The following C10orf67 variants were observed in gnomAD, a reference collection of about 807,000 sequenced individuals.
The protein encoded by C10orf67 is chromosome 10 open reading frame 67.
C10orf67 carries 60 observed loss-of-function variants against 35.6 expected under a neutral mutation model. The ratio of observed to expected loss-of-function variants is 1.68; its 90% CI spans 1.37 to 2.09. The LOEUF (loss-of-function observed/expected upper bound fraction) is 2.09, where lower values mean the gene tolerates loss of function less well. C10orf67 is among the 30% of genes most tolerant of loss of function. The pLI is 0.00. For missense variants in C10orf67, 474 were observed against 330.2 expected (o/e 1.44, Z -3.38); for synonymous variants, 167 against 115.8 (o/e 1.44, Z -2.84).
intron 1 of C10orf67, among the ~76,000 whole-genome samples, chr10:23,341,002 A>C (rs1325667433): frequency 2.6e-5 from 4 of 152,218 alleles, no homozygotes; most frequent in Non-Finnish European, 5.9e-5. Context: ...TGAAGACAAC[A>C]TTAGGTGTGT....
intron 13 of C10orf67, among the ~76,000 whole-genome samples, chr10:23,231,402 T>C (rs2075999430): frequency 6.6e-6 from 1 of 152,168 alleles, no homozygotes; most frequent in African/African-American, 2.4e-5. Context: ...CACCTTTATT[T>C]ATGTGGGTGA....
chr10:23,311,036 T>G (rs1021185800), intron 4 of C10orf67, among the ~76,000 whole-genome samples: 1 of 152,112 alleles, frequency 6.6e-6, no homozygotes, highest in Non-Finnish European at 1.5e-5. Flanking sequence ...GCATGATCGT[T>G]GCTCACTGCA....
chr10:23,337,290 T>A (rs969788063), intron 1 of C10orf67, among the ~76,000 whole-genome samples: 2 of 152,164 alleles, frequency 1.3e-5, no homozygotes, highest in African/African-American at 4.8e-5. Flanking sequence ...CCTCAGCACT[T>A]TGGGAGGCTG....
chr10:23,309,660 ATCT>A (rs1285954107), intron 4 of C10orf67, among the ~76,000 whole-genome samples: 1 of 152,184 alleles, frequency 6.6e-6, no homozygotes, highest in Non-Finnish European at 1.5e-5. Flanking sequence ...GTGCCAAGTC[ATCT>A]TCATCAGAGC....
intron 7 of C10orf67, among the ~76,000 whole-genome samples, chr10:23,288,137 G>T (rs1843602780): frequency 6.6e-6 from 1 of 152,130 alleles, no homozygotes; most frequent in Admixed American, 6.5e-5. Flanking sequence ...TCAAAGGAAT[G>T]TAAATCATTT....
rs754248355 is a variant in C10orf67 at position 23,344,709 on chromosome 10, G to A, written c.66C>T (p.Cys22=). The part of the protein sequence containing the change: ...VMSIVIRWVH[C]FSSSLRGTFG... The stretch of plus-strand genomic sequence containing the variant: ...AGGTCCCCCTCAAGGAGGAGGAAAA[G>A]CAGTGAACCCATCTAATAACTATGC... The change falls in exon 1 of 16, where the codon TGC becomes TGT. Residue 22 remains cysteine, a synonymous_variant. Coordinates refer to ENST00000636213, the MANE Select transcript of C10orf67 (RefSeq NM_001371909.1). 1.9e-6 allele frequency: 3 copies of A among 1,574,324 alleles called. No individual in the cohort carries two copies. Among genetic ancestry groups the A allele is most frequent in the South Asian group, 2.3e-5 (2 of 85,448 alleles).
chr10:23,299,146 G>T (rs973439688), intron 5 of C10orf67, among the ~76,000 whole-genome samples: 2 of 152,112 alleles, frequency 1.3e-5, no homozygotes, highest in African/African-American at 4.8e-5. Context: ...GGGTATAGAG[G>T]AACAACAGAC....
At chr10:23,267,083 G>A in intron 9 of C10orf67, 112 bp downstream of exon 9, 1 of 599,254 alleles carries the variant, frequency 1.7e-6, no homozygotes, top group South Asian at 2.2e-5. Flanking sequence ...TCAAACTCAG[G>A]TTGGAAAGTG....
chr10:23,344,368 G>A, intron 1 of C10orf67: 1 of 599,036 alleles, frequency 1.7e-6, no homozygotes, highest in South Asian at 2.0e-5. Context: ...GGAGGAGGAG[G>A]CGGGGCGGGC....
intron 12 of C10orf67, among the ~76,000 whole-genome samples, chr10:23,242,353 A>AAAT (rs1343069607): frequency 1.3e-5 from 2 of 152,246 alleles, no homozygotes; most frequent in South Asian, 4.1e-4. Context: ...AATGAAGATA[A>AAAT]AATAATGACA....
chr10:23,318,873 T>TA, intron 4 of C10orf67: 2 of 776,906 alleles, frequency 2.6e-6, no homozygotes, highest in Non-Finnish European at 4.8e-6. Context: ...TCCACCTTGC[T>TA]ACCTTCAGCA....
intron 2 of C10orf67, among the ~76,000 whole-genome samples, chr10:23,326,313 G>A (rs1279499523): frequency 6.6e-6 from 1 of 152,034 alleles, no homozygotes; most frequent in Non-Finnish European, 1.5e-5. Flanking sequence ...ACATACAGGG[G>A]AATAACATTT....
Position 23,344,589 on chromosome 10 carries a change from C to T in C10orf67, c.186G>A (p.Pro62=), listed in dbSNP as rs1289355153. 1 of 1,578,592 alleles carries T rather than the reference C, an allele frequency of 6.3e-7. No individual in the cohort carries two copies. The highest frequency in any genetic ancestry group is 8.6e-7 in the Non-Finnish European group (1 of 1,163,152). ...CCTACCTCGTGGACCCGCGCATTTG[C>T]GGGGGCTTGAATTCCCGAGCTTCTC... ...RKREAREFKP[P]QMRGSTRLNI... Residue 62 remains proline (P), a synonymous_variant, in exon 1 of 16, where the codon CCG becomes CCA. Coordinates refer to ENST00000636213, the MANE Select transcript of C10orf67 (RefSeq NM_001371909.1).
Position 23,266,570 on chromosome 10 carries a change from C to T in C10orf67, c.1036-144G>A, listed in dbSNP as rs1411547790. 4 of 395,700 alleles carry T rather than the reference C, an allele frequency of 1.0e-5. No individual in the cohort carries two copies. In the East Asian group the frequency reaches 1.1e-4, roughly 11 times the overall value. 24.5% of individuals were successfully genotyped at this position (395,700 alleles called of 1,614,324 possible). ...TAGAGCGCATGGATTTGTTCTTGCT[C>T]CCAGGCCCACAATCTCCCCTGGCAG... is the stretch of plus-strand genomic sequence containing the variant. On this transcript the variant is annotated intron_variant, in intron 9 of 15. Coordinates refer to ENST00000636213, the MANE Select transcript of C10orf67 (RefSeq NM_001371909.1).
chr10:23,307,405 A>T (rs146037560), intron 4 of C10orf67, among the ~76,000 whole-genome samples: 78 of 152,278 alleles, frequency 5.1e-4, no homozygotes, highest in African/African-American at 1.8e-3. Flanking sequence ...TGTAAGCTCA[A>T]ATTGTCCTAA....
intron 15 of C10orf67, among the ~76,000 whole-genome samples, chr10:23,221,643 G>C (rs1841583918): frequency 6.6e-6 from 1 of 152,158 alleles, no homozygotes; most frequent in Non-Finnish European, 1.5e-5. Context: ...ACTGTGCAAA[G>C]CTATTTTGTC....
intron 12 of C10orf67, among the ~76,000 whole-genome samples, chr10:23,249,466 G>T (rs551514726): frequency 1.3e-5 from 2 of 152,270 alleles, no homozygotes; most frequent in African/African-American, 2.4e-5. Context: ...CACGAAACAC[G>T]GGTAGGAGAT....
intron 8 of C10orf67, among the ~76,000 whole-genome samples, chr10:23,278,448 T>C (rs1843260119): frequency 1.3e-5 from 2 of 152,210 alleles, no homozygotes; most frequent in African/African-American, 2.4e-5. Flanking sequence ...TGTTATCCCT[T>C]CCATCATTTA....
intron 8 of C10orf67, among the ~76,000 whole-genome samples, chr10:23,276,682 T>C (rs1275068104): frequency 6.6e-6 from 1 of 152,132 alleles, no homozygotes; most frequent in East Asian, 1.9e-4. Context: ...GCCTGTACCC[T>C]TGTATTCCAT....
Sources: allele counts gnomAD v4.1 joint callset (sites outside exome capture counted in the v4.1 genomes callset), GRCh38; gene constraint gnomAD v4.1.1; transcripts MANE v1.5; gene names NCBI Gene and HGNC (gene_info 2026-07-23, HGNC 2026-07-21).